Variants in TOP6BL observed in about 807,000 individuals in gnomAD.
TOP6BL encodes the protein TOP6B like initiator of meiotic double strand breaks.
At chr11:66,750,299 G>C in the TOP6BL span, among the ~76,000 whole-genome samples, 6 of 152,054 alleles carry the variant, frequency 3.9e-5, no homozygotes, top group African/African-American at 1.4e-4. Flanking sequence ...TGTAACACCA[G>C]CACTTTGGGA....
chr11:66,791,405 G>GCT, the TOP6BL span, among the ~76,000 whole-genome samples: 1 of 152,066 alleles, frequency 6.6e-6, no homozygotes, highest in South Asian at 2.1e-4. Context: ...AATACTAAGT[G>GCT]ATCAAGTGAA....
chr11:66,825,519 A>AC, the TOP6BL span, among the ~76,000 whole-genome samples: 1 of 149,552 alleles, frequency 6.7e-6, no homozygotes, highest in Non-Finnish European at 1.5e-5. Flanking sequence ...CCCCAGAGAG[A>AC]CCCTTGCCCC....
At chr11:66,831,539 A>G in the TOP6BL span, among the ~76,000 whole-genome samples, 1 of 152,186 alleles carries the variant, frequency 6.6e-6, no homozygotes, top group Non-Finnish European at 1.5e-5. Flanking sequence ...ATATAATTCT[A>G]TAAAATGCCA....
At chr11:66,758,050 A>C in the TOP6BL span, 8 of 728,864 alleles carry the variant, frequency 1.1e-5, no homozygotes, top group South Asian at 6.2e-5. Context: ...TCTGAGGGAT[A>C]GATATATTTC....
At chr11:66,795,401 A>G in the TOP6BL span, among the ~76,000 whole-genome samples, 8 of 150,710 alleles carry the variant, frequency 5.3e-5, no homozygotes, top group African/African-American at 9.8e-5. Flanking sequence ...TCCCAGGTTC[A>G]AGTGATTCTC....
the TOP6BL span, among the ~76,000 whole-genome samples, chr11:66,760,774 C>A: frequency 5.3e-5 from 8 of 151,970 alleles, no homozygotes; most frequent in Admixed American, 3.9e-4. Context: ...CCACTGCACT[C>A]CAGCCTGGGT....
chr11:66,843,442 C>T, the TOP6BL span: 7 of 1,382,402 alleles, frequency 5.1e-6, no homozygotes, highest in Non-Finnish European at 5.6e-6. Flanking sequence ...GTGCGCGCCG[C>T]GGGTCAGGGC....
the TOP6BL span, chr11:66,821,564 T>G: frequency 1.4e-6 from 2 of 1,477,504 alleles, no homozygotes; most frequent in Non-Finnish European, 1.8e-6. Context: ...CCACATCTGG[T>G]AATTTAAGAC....
chr11:66,823,811 C>A, the TOP6BL span, among the ~76,000 whole-genome samples: 2 of 151,790 alleles, frequency 1.3e-5, no homozygotes, highest in African/African-American at 2.4e-5. Context: ...AGTGAGATTC[C>A]GTCTCAAAAA....
chr11:66,759,776 G>T, the TOP6BL span, among the ~76,000 whole-genome samples: 1 of 152,082 alleles, frequency 6.6e-6, no homozygotes, highest in Non-Finnish European at 1.5e-5. Context: ...TAGAGATGGG[G>T]TTTCACCGTG....
At chr11:66,778,417 G>A in the TOP6BL span, among the ~76,000 whole-genome samples, 2 of 151,994 alleles carry the variant, frequency 1.3e-5, no homozygotes, top group African/African-American at 2.4e-5. Flanking sequence ...AGTGAGCTGC[G>A]ATCACAGCAC....
the TOP6BL span, among the ~76,000 whole-genome samples, chr11:66,816,623 G>A: frequency 6.6e-6 from 1 of 152,050 alleles, no homozygotes; most frequent in Non-Finnish European, 1.5e-5. Flanking sequence ...GTACAGTTGC[G>A]CGAGCATAGC....
the TOP6BL span, among the ~76,000 whole-genome samples, chr11:66,782,280 G>A: frequency 6.6e-6 from 1 of 152,160 alleles, no homozygotes; most frequent in Non-Finnish European, 1.5e-5. Context: ...TAGGCCTGAA[G>A]GCCAACATTT....
the TOP6BL span, among the ~76,000 whole-genome samples, chr11:66,795,554 G>A: frequency 1.3e-5 from 2 of 151,972 alleles, no homozygotes; most frequent in East Asian, 3.9e-4. Context: ...AGCCCACCTC[G>A]GCCTCCCAAA....
chr11:66,799,130 C>T, the TOP6BL span, among the ~76,000 whole-genome samples: 1 of 149,014 alleles, frequency 6.7e-6, no homozygotes, highest in Admixed American at 6.9e-5. Context: ...TCACCTGAAC[C>T]TGGGAAGTGG....
chr11:66,788,124 G>C, the TOP6BL span: 1 of 1,453,576 alleles, frequency 6.9e-7, no homozygotes, highest in Non-Finnish European at 9.6e-7. Flanking sequence ...TATCCAAACT[G>C]CTTGTTTGAC....
At chr11:66,749,180 A>G in the TOP6BL span, among the ~76,000 whole-genome samples, 2 of 152,166 alleles carry the variant, frequency 1.3e-5, no homozygotes, top group African/African-American at 2.4e-5. Flanking sequence ...GCTTTACAAG[A>G]CATTTGCTTA....
At chr11:66,744,987 G>A in the TOP6BL span, 1 of 1,233,700 alleles carries the variant, frequency 8.1e-7, no homozygotes, top group East Asian at 3.2e-5. Flanking sequence ...AGGAGACCGC[G>A]AAGTTTGGGC....
At chr11:66,751,244 T>C in the TOP6BL span, among the ~76,000 whole-genome samples, 20 of 152,200 alleles carry the variant, frequency 1.3e-4, no homozygotes, top group Middle Eastern at 6.8e-3. Flanking sequence ...CAGGTTGGAG[T>C]GCAGTGGCGC....
Sources: allele counts gnomAD v4.1 joint callset (sites outside exome capture counted in the v4.1 genomes callset), GRCh38; gene constraint gnomAD v4.1.1; transcripts MANE v1.5; gene names NCBI Gene and HGNC (gene_info 2026-07-23, HGNC 2026-07-21).